CHRM2: variants seen among roughly 807,000 people sequenced by gnomAD.
The protein encoded by CHRM2 is cholinergic receptor muscarinic 2.
In CHRM2, 8 loss-of-function variants were observed where a neutral mutation model predicts 25.0. That is an observed-to-expected ratio of 0.32 (90% CI 0.19 to 0.58). The LOEUF (loss-of-function observed/expected upper bound fraction) is 0.58. CHRM2 is among the 20% of genes least tolerant of loss of function. The pLI, the probability that CHRM2 is intolerant of heterozygous loss-of-function variation, is 0.88. For missense variants in CHRM2, 440 were observed against 567.1 expected, an observed-to-expected ratio of 0.78 and a Z score of 2.28; for synonymous variants, 202 against 205.7, an observed-to-expected ratio of 0.98 and a Z score of 0.15.
Position 136,930,573 on chromosome 7 carries a change from CA to C in CHRM2, c.-125+61156del, listed in dbSNP as rs1195321364. ...GATATATTAATTCTGCAGCTAAAAT[CA>C]TCAGTGCTTATACGATAGGAAAAAA... On this transcript the variant is annotated intron_variant, in intron 2 of 3. Transcript: ENST00000680005. Among the ~76,000 whole-genome samples the C allele has an allele frequency of 5.7e-5, 8 of 140,208 alleles. No individual in the cohort carries two copies. The South Asian group carries it at 2.0e-3, about 34-fold the overall frequency. The allele number at this position is 140,208 out of a possible 152,430, so 92.0% of individuals were successfully genotyped here.
chr7:136,934,511 G>T (rs1799301810), intron 2 of CHRM2, among the ~76,000 whole-genome samples: 1 of 151,860 alleles, frequency 6.6e-6, no homozygotes, highest in Non-Finnish European at 1.5e-5. Flanking sequence ...CTTCCTTATT[G>T]GAATAAAGTC....
intron 2 of CHRM2, among the ~76,000 whole-genome samples, chr7:136,949,877 C>T (rs909000064): frequency 6.6e-6 from 1 of 152,022 alleles, no homozygotes; most frequent in African/African-American, 2.4e-5. Context: ...TAGCATAAGC[C>T]TGCGCTCTAA....
chr7:136,944,473 ATG>A (rs3068417), intron 2 of CHRM2, among the ~76,000 whole-genome samples: 78,472 of 151,300 alleles, frequency 0.52, 22,338 homozygotes, highest in African/African-American at 0.72. Context: ...GTATGTATGT[ATG>A]TGTGTGTGTG....
At chr7:136,886,858 G>T (rs576339916) in intron 2 of CHRM2, among the ~76,000 whole-genome samples, 1 of 152,148 alleles carries the variant, frequency 6.6e-6, no homozygotes, top group African/African-American at 2.4e-5. Flanking sequence ...GAGCAACAGA[G>T]TGAGACCCTG....
intron 2 of CHRM2, chr7:136,902,186 CTCA>C (rs1797251590): frequency 6.6e-6 from 1 of 150,672 alleles, no homozygotes; most frequent in Non-Finnish European, 1.5e-5. Context: ...TCCTTTTAAA[CTCA>C]TCTATCTATC....
chr7:136,890,455 T>C (rs73158704), intron 2 of CHRM2, among the ~76,000 whole-genome samples: 233 of 152,340 alleles, frequency 1.5e-3, no homozygotes, highest in Non-Finnish European at 2.5e-3. Context: ...CTTTGCCGAA[T>C]TTCAAAAGAA....
intron 2 of CHRM2, among the ~76,000 whole-genome samples, chr7:136,894,536 T>A (rs2130578010): frequency 6.6e-6 from 1 of 152,142 alleles, no homozygotes; most frequent in Admixed American, 6.5e-5. Flanking sequence ...CACGCCTGAC[T>A]AATTTTTGTA....
At chr7:136,872,829 G>A (rs954660270) in intron 2 of CHRM2, among the ~76,000 whole-genome samples, 3 of 152,216 alleles carry the variant, frequency 2.0e-5, no homozygotes, top group African/African-American at 7.2e-5. Context: ...ACAAGAATCT[G>A]TAGGTATATC....
intron 2 of CHRM2, among the ~76,000 whole-genome samples, chr7:136,911,589 C>T (rs1212628623): frequency 2.0e-5 from 3 of 151,876 alleles, no homozygotes; most frequent in African/African-American, 7.3e-5. Context: ...GAAGGAGCCA[C>T]CAAGTGGCAA....
intron 2 of CHRM2, among the ~76,000 whole-genome samples, chr7:136,938,737 C>G (rs908439600): frequency 6.6e-6 from 1 of 151,930 alleles, no homozygotes. Context: ...TGCCCCAGAG[C>G]CTGGGAGGGA....
chr7:137,004,962 C>A (rs1239416842), intron 3 of CHRM2, among the ~76,000 whole-genome samples: 1 of 151,932 alleles, frequency 6.6e-6, no homozygotes, highest in Non-Finnish European at 1.5e-5. Context: ...AAAATAGTTG[C>A]TTCCCATTAC....
At chr7:136,873,951 T>C (rs912124625) in intron 2 of CHRM2, among the ~76,000 whole-genome samples, 3 of 152,226 alleles carry the variant, frequency 2.0e-5, no homozygotes, top group Admixed American at 6.5e-5. Context: ...CTCTCAGCAA[T>C]ACTAAGACAT....
At chr7:136,928,668 G>T (rs951999976) in intron 2 of CHRM2, among the ~76,000 whole-genome samples, 2 of 152,122 alleles carry the variant, frequency 1.3e-5, no homozygotes, top group Admixed American at 1.3e-4. Context: ...ATGATTTCAA[G>T]ACCGTAGCGC....
chr7:136,989,393 CT>C, intron 2 of CHRM2, among the ~76,000 whole-genome samples: 1 of 152,194 alleles, frequency 6.6e-6, no homozygotes, highest in East Asian at 1.9e-4. Context: ...TCAAATTTAT[CT>C]TAGTATGATG....
At chr7:136,957,566 C>T (rs1011752367) in intron 2 of CHRM2, among the ~76,000 whole-genome samples, 2 of 152,154 alleles carry the variant, frequency 1.3e-5, no homozygotes, top group African/African-American at 4.8e-5. Flanking sequence ...CTCAGTGACA[C>T]TCGAGAGACG....
At chr7:136,902,211 C>CCA (rs1217502264) in intron 2 of CHRM2, 67 of 140,302 alleles carry the variant, frequency 4.8e-4, no homozygotes, top group African/African-American at 1.4e-3. Flanking sequence ...ATCGATCTAT[C>CCA]TATCCATCCA....
intron 2 of CHRM2, among the ~76,000 whole-genome samples, chr7:136,975,821 G>A (rs1480652394): frequency 6.6e-6 from 1 of 152,154 alleles, no homozygotes; most frequent in Non-Finnish European, 1.5e-5. Context: ...CAAGAAAATA[G>A]AGTAGGGCAA....
intron 2 of CHRM2, among the ~76,000 whole-genome samples, chr7:136,969,469 T>C (rs111794351): frequency 0.013 from 2,003 of 152,288 alleles, 40 homozygotes; most frequent in African/African-American, 0.046. Context: ...TTCACCTGTA[T>C]CTTGCTTACC....
chr7:136,957,752 C>A (rs779300400), intron 2 of CHRM2, among the ~76,000 whole-genome samples: 2 of 152,138 alleles, frequency 1.3e-5, no homozygotes, highest in Non-Finnish European at 2.9e-5. Context: ...GTAGAGTTCT[C>A]TAAACAAATT....
Sources: gnomAD v4.1 joint callset for allele counts (sites outside exome capture counted in the v4.1 genomes callset) on GRCh38, gnomAD v4.1.1 for gene constraint, MANE v1.5 for transcripts, NCBI Gene and HGNC (gene_info 2026-07-23, HGNC 2026-07-21) for gene names.